The following GPC6 variants were observed in gnomAD, a reference collection of about 807,000 sequenced individuals.
The protein encoded by GPC6 is glypican 6.
A neutral mutation model predicts 55.2 loss-of-function variants in GPC6; 14 were observed. The ratio of observed to expected loss-of-function variants is 0.25; its 90% CI spans 0.17 to 0.40. GPC6 has a LOEUF of 0.40. Ranked by LOEUF, GPC6 falls within the 10% of genes least tolerant of loss-of-function variation. The pLI is 1.00. For synonymous variants in GPC6, 278 were observed against 259.6 expected, an observed-to-expected ratio of 1.07 and a Z score of -0.68; for missense variants, 641 against 708.5, an observed-to-expected ratio of 0.90 and a Z score of 1.08.
chr13:93,323,566 T>A (rs1348525332), intron 1 of GPC6, among the ~76,000 whole-genome samples: 1 of 152,188 alleles, frequency 6.6e-6, no homozygotes, highest in African/African-American at 2.4e-5. Context: ...GGTTAGCAAG[T>A]TCCGCCTCCT....
At chr13:93,919,493 G>GT (rs1301377014) in intron 3 of GPC6, among the ~76,000 whole-genome samples, 3 of 152,064 alleles carry the variant, frequency 2.0e-5, no homozygotes, top group Non-Finnish European at 4.4e-5. Flanking sequence ...AAATTATAAA[G>GT]TTTTCTTTGG....
chr13:93,963,146 C>A (rs1328368089), intron 3 of GPC6, among the ~76,000 whole-genome samples: 2 of 151,874 alleles, frequency 1.3e-5, no homozygotes, highest in Non-Finnish European at 2.9e-5. Context: ...AGATTTGTTC[C>A]CAATCCTCTA....
At chr13:94,190,657 A>C (rs963280395) in intron 4 of GPC6, among the ~76,000 whole-genome samples, 1 of 152,172 alleles carries the variant, frequency 6.6e-6, no homozygotes, top group Non-Finnish European at 1.5e-5. Flanking sequence ...GTATTGTATC[A>C]ATGTTCAATT....
At chr13:94,184,321 G>GA (rs565487730) in intron 4 of GPC6, among the ~76,000 whole-genome samples, 1,753 of 145,310 alleles carry the variant, frequency 0.012, 25 homozygotes, top group African/African-American at 0.041. Context: ...AAAAAACAAA[G>GA]AAAAAAAAAA....
chr13:93,509,393 A>G (rs972584109), intron 1 of GPC6, among the ~76,000 whole-genome samples: 1 of 152,344 alleles, frequency 6.6e-6, no homozygotes, highest in Non-Finnish European at 1.5e-5. Flanking sequence ...ATAACACGTC[A>G]TGGTTGACAT....
intron 2 of GPC6, among the ~76,000 whole-genome samples, chr13:93,605,681 CAAA>C (rs747120957): frequency 1.8e-5 from 2 of 113,638 alleles, no homozygotes; most frequent in Non-Finnish European, 1.9e-5. Flanking sequence ...TACAAAAATG[CAAA>C]AAAAAAAAAA....
intron 2 of GPC6, among the ~76,000 whole-genome samples, chr13:93,713,737 T>C (rs996869553): frequency 1.3e-5 from 2 of 151,748 alleles, no homozygotes; most frequent in African/African-American, 4.8e-5. Flanking sequence ...TGTTTAATAC[T>C]ACTTAATGTA....
chr13:93,800,835 A>G (rs1393085199), intron 2 of GPC6, among the ~76,000 whole-genome samples: 2 of 152,228 alleles, frequency 1.3e-5, no homozygotes, highest in Non-Finnish European at 2.9e-5. Context: ...CCCATATTTC[A>G]TATTCTAACA....
intron 4 of GPC6, among the ~76,000 whole-genome samples, chr13:94,238,828 A>G (rs1361138896): frequency 6.6e-6 from 1 of 152,122 alleles, no homozygotes; most frequent in Non-Finnish European, 1.5e-5. Flanking sequence ...TAAAGAAAGG[A>G]GATTGGGAGA....
In GPC6 at chr13:93,985,859, A is replaced by G. The variant is rs1306458485; in HGVS notation, c.712-41870A>G. Among the ~76,000 whole-genome samples the G allele has an allele frequency of 7.9e-5, 12 of 152,170 alleles. No homozygotes were observed. In the South Asian group the frequency reaches 2.3e-3, roughly 29 times the overall value. On this transcript the variant is annotated intron_variant, in intron 3 of 8. Transcript: ENST00000377047. Reference sequence around the variant, plus strand: ...ATTCTGAGCAGCCCAGGGCTAAACTAAAAAATCGGGGCTTCTGTTACCAAG... The same window carrying G: ...ATTCTGAGCAGCCCAGGGCTAAACTGAAAAATCGGGGCTTCTGTTACCAAG...
chr13:93,832,388 T>C (rs1276299823), intron 3 of GPC6, among the ~76,000 whole-genome samples: 1 of 151,914 alleles, frequency 6.6e-6, no homozygotes, highest in Non-Finnish European at 1.5e-5. Flanking sequence ...ATAGGATTAG[T>C]CACAGAGGCT....
At chr13:93,238,333 G>A (rs183099774) in intron 1 of GPC6, among the ~76,000 whole-genome samples, 47 of 152,012 alleles carry the variant, frequency 3.1e-4, no homozygotes, top group Non-Finnish European at 5.4e-4. Flanking sequence ...TTATTGTTTT[G>A]CAGCTATTGT....
At chr13:94,183,105 T>A (rs1194546022) in intron 4 of GPC6, among the ~76,000 whole-genome samples, 1 of 152,180 alleles carries the variant, frequency 6.6e-6, no homozygotes, top group Non-Finnish European at 1.5e-5. Flanking sequence ...CACAATGCAA[T>A]AGGATTAATT....
At chr13:93,605,992 C>T (rs1306682650) in intron 2 of GPC6, among the ~76,000 whole-genome samples, 1 of 151,760 alleles carries the variant, frequency 6.6e-6, no homozygotes, top group Non-Finnish European at 1.5e-5. Context: ...ACAGCTATAT[C>T]AATACATAGA....
At chr13:93,367,923 T>C (rs1881305639) in intron 1 of GPC6, among the ~76,000 whole-genome samples, 1 of 152,168 alleles carries the variant, frequency 6.6e-6, no homozygotes, top group African/African-American at 2.4e-5. Context: ...TTGGGTATCC[T>C]ATAAATGTCA....
At chr13:93,377,017 G>C (rs754009316) in intron 1 of GPC6, among the ~76,000 whole-genome samples, 43 of 151,930 alleles carry the variant, frequency 2.8e-4, no homozygotes, top group Non-Finnish European at 5.1e-4. Flanking sequence ...CTGAAATCTT[G>C]CCTTCAAATT....
intron 2 of GPC6, among the ~76,000 whole-genome samples, chr13:93,655,218 C>G (rs2139604456): frequency 6.6e-6 from 1 of 152,158 alleles, no homozygotes; most frequent in South Asian, 2.1e-4. Flanking sequence ...TATTTGACAA[C>G]AGTTTTCTTT....
intron 2 of GPC6, among the ~76,000 whole-genome samples, chr13:93,804,051 A>G (rs1231134546): frequency 6.6e-6 from 1 of 152,198 alleles, no homozygotes; most frequent in African/African-American, 2.4e-5. Flanking sequence ...ATTGAATTTT[A>G]TAATTTAAAT....
chr13:93,857,723 A>G (rs1489437064), intron 3 of GPC6, among the ~76,000 whole-genome samples: 1 of 151,644 alleles, frequency 6.6e-6, no homozygotes, highest in Non-Finnish European at 1.5e-5. Context: ...GCAAAGGGCT[A>G]CTACTACTAA....
Sources: gnomAD v4.1 joint callset for allele counts (sites outside exome capture counted in the v4.1 genomes callset) on GRCh38, gnomAD v4.1.1 for gene constraint, MANE v1.5 for transcripts, NCBI Gene and HGNC (gene_info 2026-07-23, HGNC 2026-07-21) for gene names.